The following LSAMP variants were observed in gnomAD, a reference collection of about 807,000 sequenced individuals.
The protein encoded by LSAMP is limbic system-associated membrane protein.
In LSAMP, 7 loss-of-function variants were observed where a neutral mutation model predicts 38.6. The observed-to-expected ratio is 0.18, with a 90% CI of 0.10 to 0.34. The LOEUF (loss-of-function observed/expected upper bound fraction) is 0.34, where lower values mean the gene tolerates loss of function less well. Ranked by LOEUF, LSAMP falls within the 10% of genes least tolerant of loss-of-function variation. The pLI is 1.00. For missense variants in LSAMP, 313 were observed against 420.0 expected (o/e 0.75, Z 2.23); for synonymous variants, 154 against 166.8 (o/e 0.92, Z 0.59).
chr3:116,443,158 A>G (rs752027380), intron 1 of LSAMP, among the ~76,000 whole-genome samples: 13 of 152,252 alleles, frequency 8.5e-5, no homozygotes, highest in Non-Finnish European at 1.3e-4. Flanking sequence ...TCACCATTAA[A>G]GGGTTAATGA....
At chr3:116,119,984 A>T (rs1051652997) in intron 1 of LSAMP, among the ~76,000 whole-genome samples, 8 of 152,136 alleles carry the variant, frequency 5.3e-5, no homozygotes, top group African/African-American at 1.9e-4. Flanking sequence ...GTTTACCTTT[A>T]TAAAGAGGAG....
At chr3:115,883,929 A>G (rs970607234) in intron 3 of LSAMP, among the ~76,000 whole-genome samples, 1 of 152,098 alleles carries the variant, frequency 6.6e-6, no homozygotes, top group Non-Finnish European at 1.5e-5. Flanking sequence ...AAGTCAAACT[A>G]AGAAACTCAA....
intron 1 of LSAMP, among the ~76,000 whole-genome samples, chr3:116,106,704 G>A (rs985036574): frequency 6.6e-6 from 1 of 152,140 alleles, no homozygotes; most frequent in Non-Finnish European, 1.5e-5. Flanking sequence ...TGACAGAAGG[G>A]AATAAATGAC....
intron 3 of LSAMP, among the ~76,000 whole-genome samples, chr3:115,994,472 C>T (rs1034065048): frequency 6.6e-6 from 1 of 151,990 alleles, no homozygotes; most frequent in African/African-American, 2.4e-5. Context: ...AAGTCATGAT[C>T]TTTGTGATCC....
rs1478726980 is a variant in LSAMP at position 116,311,661 on chromosome 3, TGGA to T, written c.155+133213_155+133215del. On this transcript the variant is annotated intron_variant, in intron 1 of 6. Coordinates refer to ENST00000490035, the MANE Select transcript of LSAMP (RefSeq NM_002338.5). ...GGAGTCCAGCCCTGCCACTACGAGC[TGGA>T]GGAAATTATAAAACTTTTGAGACCT... Among the ~76,000 whole-genome samples, 4 of 152,316 alleles carry T rather than the reference TGGA, an allele frequency of 2.6e-5. No individual in the cohort carries two copies. The East Asian group carries it at 7.7e-4, about 29-fold the overall frequency.
chr3:116,238,056 C>T (rs768238845), intron 1 of LSAMP, among the ~76,000 whole-genome samples: 10 of 152,110 alleles, frequency 6.6e-5, no homozygotes, highest in Non-Finnish European at 1.3e-4. Flanking sequence ...GTTGTGGTAA[C>T]CAAAAATGTC....
chr3:116,289,942 T>A (rs960139258), intron 1 of LSAMP, among the ~76,000 whole-genome samples: 5 of 152,250 alleles, frequency 3.3e-5, no homozygotes, highest in Non-Finnish European at 5.9e-5. Context: ...ATGAACTAGT[T>A]ACTTGCCTCA....
chr3:116,287,297 G>A (rs1001405537), intron 1 of LSAMP, among the ~76,000 whole-genome samples: 4 of 152,082 alleles, frequency 2.6e-5, no homozygotes, highest in African/African-American at 9.7e-5. Context: ...GCACTCCTCT[G>A]TGATTTTCCC....
At chr3:116,372,707 A>T (rs1204259592) in intron 1 of LSAMP, among the ~76,000 whole-genome samples, 6 of 5,242 alleles carry the variant, frequency 1.1e-3, no homozygotes, top group Non-Finnish European at 2.4e-3. Context: ...GCCCTTATTA[A>T]AAAAAAATGG....
intron 1 of LSAMP, among the ~76,000 whole-genome samples, chr3:116,273,685 T>G (rs7610399): frequency 0.12 from 501 of 4,214 alleles, 92 homozygotes; most frequent in East Asian, 0.19. Flanking sequence ...GAAAGAGGCA[T>G]ATATATATAT....
At chr3:116,050,774 T>C (rs1262594621) in intron 2 of LSAMP, among the ~76,000 whole-genome samples, 1 of 152,236 alleles carries the variant, frequency 6.6e-6, no homozygotes, top group Admixed American at 6.5e-5. Flanking sequence ...AAAGGACTTC[T>C]TTCTTAAAAG....
chr3:116,308,121 C>A (rs547700099), intron 1 of LSAMP, among the ~76,000 whole-genome samples: 1 of 151,994 alleles, frequency 6.6e-6, no homozygotes, highest in African/African-American at 2.4e-5. Context: ...ACCTAAAAAC[C>A]TTTCCCCCTA....
intron 6 of LSAMP, among the ~76,000 whole-genome samples, chr3:115,811,788 C>T (rs1003619630): frequency 6.6e-6 from 1 of 152,200 alleles, no homozygotes; most frequent in Non-Finnish European, 1.5e-5. Context: ...ACAGCACTTA[C>T]TACACGATTT....
chr3:116,237,877 C>T (rs2046485872), intron 1 of LSAMP, among the ~76,000 whole-genome samples: 1 of 152,106 alleles, frequency 6.6e-6, no homozygotes, highest in African/African-American at 2.4e-5. Flanking sequence ...CATCCAAGGG[C>T]CAGTACAAAT....
rs1553705042 is a variant in LSAMP, at chr3:116,113,420, A to ATATT, written c.156-26865_156-26864insAATA. Among the ~76,000 whole-genome samples the ATATT allele has an allele frequency of 2.8e-3, 141 of 51,014 alleles. 1 individual carries two copies. Among genetic ancestry groups the ATATT allele is most frequent in the Admixed American group, 3.6e-3 (10 of 2,798 alleles). The allele number at this position is 51,014 out of a possible 152,430, so 33.5% of individuals were successfully genotyped here. ...TTGCCCTATATATATATATATATAT[A>ATATT]TTTTTTTTTTTTTTTTTTTTTTTGA... is the stretch of plus-strand genomic sequence containing the variant. On this transcript the variant is annotated intron_variant, in intron 1 of 6. Transcript: ENST00000490035.
intron 3 of LSAMP, among the ~76,000 whole-genome samples, chr3:116,016,413 T>A (rs941444345): frequency 6.6e-6 from 1 of 152,170 alleles, no homozygotes; most frequent in Non-Finnish European, 1.5e-5. Context: ...CAGAATAGAA[T>A]CTGACCTACA....
chr3:116,174,969 G>T (rs16824495), intron 1 of LSAMP, among the ~76,000 whole-genome samples: 1 of 151,814 alleles, frequency 6.6e-6, no homozygotes, highest in Admixed American at 6.6e-5. Flanking sequence ...GGCTTATGCC[G>T]ACTTCTCCAC....
intron 1 of LSAMP, among the ~76,000 whole-genome samples, chr3:116,388,852 G>A (rs898956412): frequency 2.6e-5 from 4 of 152,172 alleles, no homozygotes; most frequent in Middle Eastern, 3.4e-3. Flanking sequence ...CAAGGCTGAC[G>A]GCAGGCATCT....
At chr3:116,273,683 C>CAGATTATATATATATAT (rs150705226) in intron 1 of LSAMP, among the ~76,000 whole-genome samples, 1 of 50,528 alleles carries the variant, frequency 2.0e-5, no homozygotes, top group African/African-American at 1.3e-4. Flanking sequence ...GAGAAAGAGG[C>CAGATTATATATATATAT]ATATATATAT....
Sources: allele counts gnomAD v4.1 joint callset (sites outside exome capture counted in the v4.1 genomes callset), GRCh38; gene constraint gnomAD v4.1.1; transcripts MANE v1.5; gene names NCBI Gene and HGNC (gene_info 2026-07-23, HGNC 2026-07-21).